Variants in USP14 observed in about 807,000 individuals in gnomAD.
USP14 encodes ubiquitin carboxyl-terminal hydrolase 14.
Under a neutral mutation model 76.5 loss-of-function variants are expected in USP14, and 38 were observed. That is an observed-to-expected ratio of 0.50 (90% CI 0.38 to 0.65). USP14 has a LOEUF of 0.65. USP14 is among the 30% of genes least tolerant of loss of function. USP14 has a pLI of 0.00. For missense variants in USP14, 467 were observed against 586.5 expected (o/e 0.80, Z 2.10); for synonymous variants, 192 against 191.7 (o/e 1.00, Z -0.01).
chr18:201,502 G>A (rs1213034060), intron 10 of USP14, among the ~76,000 whole-genome samples: 1 of 152,232 alleles, frequency 6.6e-6, no homozygotes, highest in Admixed American at 6.5e-5. Flanking sequence ...AGAAGAGTGA[G>A]TGAGTCACGC....
At position 213,985 on chromosome 18, in the gene USP14, A is replaced by AGATAGAT. The variant is rs1555603843; in HGVS notation, c.*2702_*2708dup. On this transcript the variant is annotated 3_prime_UTR_variant, in exon 16 of 16. Coordinates refer to ENST00000261601, the MANE Select transcript of USP14 (RefSeq NM_005151.4). The stretch of plus-strand genomic sequence containing the variant: ...GACAAGATAGATAGATTAGATAGAT[A>AGATAGAT]GATAGATAGATAGATGATGATTGAT... 6.6e-6 allele frequency: 1 copy of AGATAGAT among 150,750 alleles called. No individual in the cohort carries two copies. The highest frequency in any genetic ancestry group is 1.5e-5 in the Non-Finnish European group (1 of 67,686). The allele number at this position is 150,750 out of a possible 1,614,324, so 9.3% of individuals were successfully genotyped here. A position where few individuals can be genotyped will look rare whatever the true frequency, so the allele number is the denominator to read the frequency against.
chr18:180,629 G>C (rs1047720030), intron 5 of USP14, among the ~76,000 whole-genome samples: 2 of 152,106 alleles, frequency 1.3e-5, no homozygotes, highest in African/African-American at 4.8e-5. Context: ...TCTACTTTCT[G>C]TCATAGATTT....
At chr18:179,884 A>G (rs1909737935) in intron 4 of USP14, among the ~76,000 whole-genome samples, 1 of 151,520 alleles carries the variant, frequency 6.6e-6, no homozygotes, top group African/African-American at 2.4e-5. Flanking sequence ...TACAGGTGTG[A>G]GCCACTGTGC....
chr18:185,837 G>A (rs1357545387), intron 5 of USP14, among the ~76,000 whole-genome samples: 1 of 151,246 alleles, frequency 6.6e-6, no homozygotes, highest in Non-Finnish European at 1.5e-5. Context: ...GGGACCTCAG[G>A]CATGCACCAC....
chr18:164,203 G>A (rs898483365), intron 2 of USP14, among the ~76,000 whole-genome samples: 2 of 152,096 alleles, frequency 1.3e-5, no homozygotes, highest in Non-Finnish European at 2.9e-5. Context: ...AGACTAAAAT[G>A]AAACCAATTA....
At chr18:163,250 G>C (rs1463724728) in intron 1 of USP14, 58 bp from the exon 2 acceptor site, 1 of 1,491,968 alleles carries the variant, frequency 6.7e-7, no homozygotes. Flanking sequence ...ATCTTCTAAG[G>C]GTCTGTAAAT....
chr18:204,677 T>A lies in USP14; in HGVS notation c.1149T>A (p.Asn383Lys), dbSNP rs1352826648. ...AGGATCTAGAAGATAAAAAAGTGAA[T>A]CAGCAGCCAAATACAGTAGGTTCTT... ...KFKDLEDKKV[N>K]QQPNTSDKKS... Residue 383 changes from asparagine (N) to lysine (K), a missense_variant, in exon 13 of 16, where the codon AAT becomes AAA. Coordinates refer to ENST00000261601, the MANE Select transcript of USP14 (RefSeq NM_005151.4). 1 of 1,612,556 alleles carries A rather than the reference T, an allele frequency of 6.2e-7. No homozygotes were observed. The highest frequency in any genetic ancestry group is 8.5e-7 in the Non-Finnish European group (1 of 1,179,630).
chr18:162,943 G>C (rs1291998390), intron 1 of USP14: 1 of 159,028 alleles, frequency 6.3e-6, no homozygotes, highest in Admixed American at 6.4e-5. Context: ...GATTACAGGC[G>C]TGCGCCACCA....
chr18:194,272 G>A lies in USP14; in HGVS notation c.463+1372G>A, dbSNP rs1910170393. Among the ~76,000 whole-genome samples, 10 of 152,262 alleles carry A rather than the reference G, an allele frequency of 6.6e-5. No homozygotes were observed. In the South Asian group the frequency reaches 2.1e-3, roughly 32 times the overall value. On this transcript the variant is annotated intron_variant, in intron 6 of 15. Transcript: ENST00000261601. ...TACTTGTTGAAATGAAGTTTTTAGT[G>A]AGAAAGTGTGATCATTTATATCTAC...
intron 1 of USP14, among the ~76,000 whole-genome samples, chr18:160,139 C>T (rs899273160): frequency 1.2e-4 from 19 of 152,004 alleles, no homozygotes; most frequent in African/African-American, 4.1e-4. Flanking sequence ...CCTGTCTCTA[C>T]TAAAAATACA....
intron 14 of USP14, 68 bp from the exon 15 acceptor site, chr18:210,318 G>T: frequency 8.7e-7 from 1 of 1,142,936 alleles, no homozygotes. Flanking sequence ...AGTTATTCTT[G>T]TTACTTAGCT....
At chr18:207,309 T>C (rs1910557053) in intron 13 of USP14, among the ~76,000 whole-genome samples, 1 of 145,090 alleles carries the variant, frequency 6.9e-6, no homozygotes, top group South Asian at 2.3e-4. Context: ...GTCCCTTGCA[T>C]TTCCATGTAT....
At chr18:170,186 C>G (rs1337118574) in intron 3 of USP14, among the ~76,000 whole-genome samples, 6 of 152,102 alleles carry the variant, frequency 3.9e-5, no homozygotes, top group African/African-American at 1.4e-4. Flanking sequence ...TGCCTGTAAT[C>G]CCAGCTATTC....
intron 3 of USP14, among the ~76,000 whole-genome samples, chr18:171,745 C>A (rs986770756): frequency 2.6e-5 from 4 of 152,150 alleles, no homozygotes; most frequent in Admixed American, 2.0e-4. Context: ...TGAATCTGGG[C>A]AAAATCAATT....
At chr18:197,246 GCCAAAGC>G (rs767559663) in intron 7 of USP14, among the ~76,000 whole-genome samples, 29 of 152,210 alleles carry the variant, frequency 1.9e-4, no homozygotes, top group Non-Finnish European at 3.8e-4. Flanking sequence ...TGGCTCCAAG[GCCAAAGC>G]CTTAGGCTTT....
intron 1 of USP14, among the ~76,000 whole-genome samples, chr18:160,355 A>G (rs760065122): frequency 8.5e-5 from 13 of 152,148 alleles, no homozygotes; most frequent in Non-Finnish European, 1.6e-4. Flanking sequence ...ATGGTTAAGG[A>G]TAAGTGCAGT....
At chr18:164,493 G>T (rs559349196) in intron 2 of USP14, among the ~76,000 whole-genome samples, 1 of 150,636 alleles carries the variant, frequency 6.6e-6, no homozygotes, top group African/African-American at 2.4e-5. Context: ...TTGCCCTGTT[G>T]CCCATGCTGG....
In USP14 at chr18:211,451, CAGAGA is replaced by C. The variant is rs1910667720; in HGVS notation, c.*174_*178del. The C allele has an allele frequency of 3.5e-6, 2 of 577,318 alleles. No homozygotes were observed. The highest frequency in any genetic ancestry group is 3.2e-5 in the East Asian group (1 of 31,480). The allele number at this position is 577,318 out of a possible 1,614,324, so 35.8% of individuals were successfully genotyped here. A position where few individuals can be genotyped will look rare whatever the true frequency, so the allele number is the denominator to read the frequency against. ...CTCTGTGCACCAACCTAAAAAATTA[CAGAGA>C]AGAGAAAATTATCTTTGGATTGTGC... On this transcript the variant is annotated 3_prime_UTR_variant, in exon 16 of 16. Coordinates refer to ENST00000261601, the MANE Select transcript of USP14 (RefSeq NM_005151.4).
Position 198,115 on chromosome 18 carries a change from T to C in USP14, c.744T>C (p.Gly248=). The C allele has an allele frequency of 1.2e-6, 2 of 1,607,424 alleles. No individual in the cohort carries two copies. The highest frequency in any genetic ancestry group is 4.5e-5 in the East Asian group (2 of 44,834). The change falls in exon 9 of 16, where the codon GGT becomes GGC. Residue 248 remains glycine, a synonymous_variant. Transcript: ENST00000261601. ...KKKSLIDQFF[G]VEFETTMKCT... Reference sequence around the variant, plus strand: ...AAAGTTTAATCGATCAGTTCTTCGGTGTTGAGTTTGAAACTACGTATCCTT... The same window carrying C: ...AAAGTTTAATCGATCAGTTCTTCGGCGTTGAGTTTGAAACTACGTATCCTT...
Sources: gnomAD v4.1 joint callset for allele counts (sites outside exome capture counted in the v4.1 genomes callset) on GRCh38, gnomAD v4.1.1 for gene constraint, MANE v1.5 for transcripts, NCBI Gene and HGNC (gene_info 2026-07-23, HGNC 2026-07-21) for gene names.